Variants in TACR1 observed in about 807,000 individuals in gnomAD.
TACR1 encodes substance-P receptor.
A neutral mutation model predicts 35.8 loss-of-function variants in TACR1; 25 were observed. That is an observed-to-expected ratio of 0.70 (90% confidence interval 0.51 to 0.98). The LOEUF (loss-of-function observed/expected upper bound fraction) is 0.98. Among genes scored for constraint, TACR1 ranks in the 50% least tolerant of loss-of-function variants. TACR1 has a pLI of 0.00. For missense variants in TACR1, 478 were observed against 522.9 expected (o/e 0.91, Z 0.84); for synonymous variants, 195 against 206.7 (o/e 0.94, Z 0.48).
intron 2 of TACR1, among the ~76,000 whole-genome samples, chr2:75,094,506 A>G (rs1277043624): frequency 1.3e-5 from 2 of 152,136 alleles, no homozygotes; most frequent in Non-Finnish European, 2.9e-5. Flanking sequence ...TGTCAAGTCT[A>G]CATAGTTTGT....
chr2:75,051,492 C>G (rs1349117902), intron 3 of TACR1, 45 bp from the exon 4 acceptor site: 1 of 1,606,540 alleles, frequency 6.2e-7, no homozygotes. Flanking sequence ...ACATCCCCCT[C>G]TCTCACGGCT....
chr2:75,172,453 C>T (rs1675310802), intron 1 of TACR1, among the ~76,000 whole-genome samples: 1 of 152,170 alleles, frequency 6.6e-6, no homozygotes. Flanking sequence ...GTTCCTTGGA[C>T]ACTTTTCTTT....
At chr2:75,193,180 C>G (rs35093940) in intron 1 of TACR1, among the ~76,000 whole-genome samples, 2,129 of 152,300 alleles carry the variant, frequency 0.014, 25 homozygotes, top group Middle Eastern at 0.041. Context: ...TCTGCTCCCT[C>G]TGCATGGCAT....
chr2:75,148,120 T>C (rs976772595), intron 1 of TACR1, among the ~76,000 whole-genome samples: 2 of 152,202 alleles, frequency 1.3e-5, no homozygotes, highest in Admixed American at 1.3e-4. Flanking sequence ...CAGTTATCAT[T>C]GATGGGCATT....
At chr2:75,113,552 T>TTTTTTTC in intron 2 of TACR1, among the ~76,000 whole-genome samples, 1 of 148,810 alleles carries the variant, frequency 6.7e-6, no homozygotes, top group Non-Finnish European at 1.5e-5. Context: ...TTTTTTTTTT[T>TTTTTTTC]TTTTACTTTG....
intron 2 of TACR1, among the ~76,000 whole-genome samples, chr2:75,092,970 C>G (rs778551295): frequency 6.6e-6 from 1 of 152,140 alleles, no homozygotes; most frequent in African/African-American, 2.4e-5. Context: ...TACTTATCTA[C>G]AGGAAAAGTT....
intron 1 of TACR1, among the ~76,000 whole-genome samples, chr2:75,157,188 G>A (rs867517280): frequency 3.3e-5 from 5 of 152,080 alleles, no homozygotes; most frequent in Non-Finnish European, 5.9e-5. Flanking sequence ...AGAAGGAAAG[G>A]CACCACCGTG....
intron 1 of TACR1, chr2:75,154,406 G>GCGCGCGCGCGCGCGCGCGCGCGCACACA (rs1264139655): frequency 5.1e-5 from 4 of 78,554 alleles, no homozygotes; most frequent in African/African-American, 1.3e-4. Context: ...CCAAGAGCGC[G>GCGCGCGCGCGCGCGCGCGCGCGCACACA]CACGCACACA....
Position 75,053,645 on chromosome 2 carries a change from G to T in TACR1, c.695C>A (p.Ser232Tyr), listed in dbSNP as rs767373067. 4 of 1,597,260 alleles carry T rather than the reference G, an allele frequency of 2.5e-6. No homozygotes were observed. The highest frequency in any genetic ancestry group is 2.2e-5 in the East Asian group (1 of 44,580). ...TLWASEIPGD[S>Y]SDRYHEQVSA... ...GACTTGCTCGTGGTAGCGGTCAGAG[G>T]AGTCCCCGGGGATCTCACTGGCCCA... Residue 232 changes from serine (S) to tyrosine (Y), a missense_variant, in exon 3 of 5, where the codon TCC becomes TAC. Coordinates refer to ENST00000305249, the MANE Select transcript of TACR1 (RefSeq NM_001058.4).
intron 1 of TACR1, among the ~76,000 whole-genome samples, chr2:75,192,457 G>C (rs1159857006): frequency 6.6e-6 from 1 of 152,180 alleles, no homozygotes; most frequent in Non-Finnish European, 1.5e-5. Flanking sequence ...GAAAAATAGA[G>C]TAGAATATTT....
At chr2:75,154,951 A>G (rs1391867296) in intron 1 of TACR1, among the ~76,000 whole-genome samples, 1 of 152,120 alleles carries the variant, frequency 6.6e-6, no homozygotes, top group East Asian at 1.9e-4. Flanking sequence ...TCTCCTCCAG[A>G]TGAGTCTGTG....
At chr2:75,099,511 C>T (rs1042254339) in intron 2 of TACR1, among the ~76,000 whole-genome samples, 5 of 152,116 alleles carry the variant, frequency 3.3e-5, no homozygotes, top group African/African-American at 1.2e-4. Flanking sequence ...AAGTCACCTC[C>T]AATTCCCTTA....
At chr2:75,184,455 A>T (rs931104430) in intron 1 of TACR1, among the ~76,000 whole-genome samples, 3 of 152,008 alleles carry the variant, frequency 2.0e-5, no homozygotes, top group Non-Finnish European at 2.9e-5. Context: ...AAAGTAAAGG[A>T]CACAGACACT....
intron 2 of TACR1, among the ~76,000 whole-genome samples, chr2:75,116,845 G>A (rs1673871942): frequency 6.6e-6 from 1 of 152,112 alleles, no homozygotes; most frequent in Non-Finnish European, 1.5e-5. Flanking sequence ...AGGAGGCGGA[G>A]GTTGCACTGA....
chr2:75,186,658 G>T (rs957726614), intron 1 of TACR1, among the ~76,000 whole-genome samples: 9 of 150,204 alleles, frequency 6.0e-5, no homozygotes. Flanking sequence ...AAAAAAAAAG[G>T]TGGCTTAAGT....
intron 2 of TACR1, among the ~76,000 whole-genome samples, chr2:75,102,764 C>A (rs1395080662): frequency 1.3e-5 from 2 of 151,968 alleles, no homozygotes; most frequent in African/African-American, 4.8e-5. Context: ...AAGGTATTAT[C>A]AAATATGTAA....
At chr2:75,121,173 G>A (rs1673964633) in intron 1 of TACR1, among the ~76,000 whole-genome samples, 1 of 152,212 alleles carries the variant, frequency 6.6e-6, no homozygotes, top group Non-Finnish European at 1.5e-5. Flanking sequence ...GATCAGAATA[G>A]TACTTTTTTT....
intron 1 of TACR1, among the ~76,000 whole-genome samples, chr2:75,160,011 T>G (rs1674964024): frequency 6.6e-6 from 1 of 152,132 alleles, no homozygotes; most frequent in South Asian, 2.1e-4. Context: ...CCCATGGCAA[T>G]ATATTCACAC....
intron 2 of TACR1, among the ~76,000 whole-genome samples, chr2:75,060,073 C>T (rs890284823): frequency 6.6e-6 from 1 of 152,178 alleles, no homozygotes; most frequent in Non-Finnish European, 1.5e-5. Context: ...AAGATTTATT[C>T]AGCACCTGTT....
Sources: gnomAD v4.1 joint callset for allele counts (sites outside exome capture counted in the v4.1 genomes callset) on GRCh38, gnomAD v4.1.1 for gene constraint, MANE v1.5 for transcripts, NCBI Gene and HGNC (gene_info 2026-07-23, HGNC 2026-07-21) for gene names.